MANBAL: variants seen among roughly 807,000 people sequenced by gnomAD.
The protein encoded by MANBAL is protein MANBAL.
In MANBAL, 1 loss-of-function variant was observed where a neutral mutation model predicts 6.4. The observed-to-expected ratio is 0.16, with a 90% CI of 0.06 to 0.74. MANBAL has a LOEUF of 0.74. Among genes scored for constraint, MANBAL ranks in the 30% least tolerant of loss-of-function variants. The pLI is 0.78. For synonymous variants in MANBAL, 47 were observed against 45.8 expected, an observed-to-expected ratio of 1.03 and a Z score of -0.10; for missense variants, 100 against 107.8, an observed-to-expected ratio of 0.93 and a Z score of 0.32.
chr20:37,298,264 C>T (rs1022039465), intron 1 of MANBAL, among the ~76,000 whole-genome samples: 1 of 152,024 alleles, frequency 6.6e-6, no homozygotes, highest in Non-Finnish European at 1.5e-5. Context: ...ACAAATTTAC[C>T]ATTTTAACCA....
chr20:37,295,543 A>G (rs528999799), intron 1 of MANBAL, among the ~76,000 whole-genome samples: 5 of 152,298 alleles, frequency 3.3e-5, no homozygotes, highest in Non-Finnish European at 5.9e-5. Flanking sequence ...TTCCTGGCTC[A>G]CTAATGGGCC....
intron 2 of MANBAL, among the ~76,000 whole-genome samples, chr20:37,303,770 AG>A: frequency 6.6e-6 from 1 of 152,372 alleles, no homozygotes; most frequent in Middle Eastern, 3.4e-3. Flanking sequence ...GTTATCTAGC[AG>A]GGAAGTGAGT....
intron 2 of MANBAL, chr20:37,302,235 T>G: frequency 6.4e-7 from 1 of 1,550,556 alleles, no homozygotes; most frequent in Non-Finnish European, 8.7e-7. Context: ...TTCTCTGTGG[T>G]GTCATTTAAC....
chr20:37,290,220 A>T (rs2068834740), intron 1 of MANBAL, among the ~76,000 whole-genome samples: 1 of 152,220 alleles, frequency 6.6e-6, no homozygotes, highest in Admixed American at 6.5e-5. Flanking sequence ...AATATGAGAA[A>T]CATTTTTAAA....
At chr20:37,297,841 C>T (rs574674579) in intron 1 of MANBAL, among the ~76,000 whole-genome samples, 7 of 152,110 alleles carry the variant, frequency 4.6e-5, no homozygotes, top group Non-Finnish European at 1.0e-4. Flanking sequence ...GACGGGGTTT[C>T]TCCATGTTGG....
chr20:37,299,115 C>A (rs1006381410), intron 1 of MANBAL, among the ~76,000 whole-genome samples: 4 of 152,038 alleles, frequency 2.6e-5, no homozygotes, highest in Non-Finnish European at 5.9e-5. Flanking sequence ...GGGTCTCGCT[C>A]TGTCACCCAG....
In MANBAL at chr20:37,316,355, C is replaced by A; in HGVS notation, c.198C>A (p.Pro66=). 1 of 1,613,890 alleles carries A rather than the reference C, an allele frequency of 6.2e-7. No individual in the cohort carries two copies. Among genetic ancestry groups the A allele is most frequent in the South Asian group, 1.1e-5 (1 of 91,066 alleles). Residue 66 remains proline, a synonymous_variant, in exon 3 of 3, where the codon CCC becomes CCA. Transcript: ENST00000373606. ...GAAGTGCTGAGGTGACGAGGAAGCC[C>A]AAGGCTGCTGTTCCTTCTGTGAACA... is the stretch of plus-strand genomic sequence containing the variant. ...EPRSAEVTRK[P]KAAVPSVNKR...
chr20:37,306,325 T>C (rs1487344512), intron 2 of MANBAL, among the ~76,000 whole-genome samples: 1 of 152,196 alleles, frequency 6.6e-6, no homozygotes, highest in African/African-American at 2.4e-5. Context: ...AGTAAGCCGA[T>C]TTTTTGCAAC....
intron 1 of MANBAL, among the ~76,000 whole-genome samples, chr20:37,292,819 C>T (rs984863140): frequency 5.9e-5 from 9 of 152,106 alleles, no homozygotes; most frequent in Admixed American, 5.2e-4. Flanking sequence ...ATGTTTCTGC[C>T]CCAGTCCTAG....
At chr20:37,295,332 A>G (rs1247746924) in intron 1 of MANBAL, among the ~76,000 whole-genome samples, 1 of 152,244 alleles carries the variant, frequency 6.6e-6, no homozygotes. Flanking sequence ...ATTCCAGTGT[A>G]ATATTTCTCA....
intron 2 of MANBAL, among the ~76,000 whole-genome samples, chr20:37,303,210 C>G (rs749074451): frequency 1.3e-5 from 2 of 152,162 alleles, no homozygotes; most frequent in Non-Finnish European, 2.9e-5. Flanking sequence ...TGCGCCTGGC[C>G]CCAGGCTCAT....
chr20:37,299,345 C>T (rs989264766), intron 1 of MANBAL, among the ~76,000 whole-genome samples: 3 of 152,130 alleles, frequency 2.0e-5, no homozygotes, highest in Non-Finnish European at 4.4e-5. Flanking sequence ...TCCCAAAGTG[C>T]TGAGATTATA....
chr20:37,312,480 A>G lies in MANBAL; in HGVS notation c.151-3828A>G, dbSNP rs77841623. 7.4e-3 allele frequency among the ~76,000 whole-genome samples: 1,119 copies of G among 152,192 alleles called. 16 individuals are homozygous for G. The highest frequency in any genetic ancestry group is 0.024 in the African/African-American group (1,010 of 41,516). Reference sequence around the variant, plus strand: ...GTTAGTTTCAAATCTTGGGTCTGCTACTCACCAGCTAAGGCCTTAGGCAAG... The same window carrying G: ...GTTAGTTTCAAATCTTGGGTCTGCTGCTCACCAGCTAAGGCCTTAGGCAAG... On this transcript the variant is annotated intron_variant, in intron 2 of 2. Coordinates refer to ENST00000373606, the MANE Select transcript of MANBAL (RefSeq NM_001003897.2).
rs533435460 is a variant in MANBAL, at chr20:37,290,849, T to C, written c.-57+1163T>C. Among the ~76,000 whole-genome samples, 3 of 152,348 alleles carry C rather than the reference T, an allele frequency of 2.0e-5. No homozygotes were observed. The South Asian group carries it at 6.2e-4, about 32-fold the overall frequency. The stretch of plus-strand genomic sequence containing the variant: ...GTCTTGAACTCCTGGAGGCAAGATA[T>C]CCTTCCTCCTGGACCTCCCAAAGTG... On this transcript the variant is annotated intron_variant, in intron 1 of 2. Transcript: ENST00000373606.
intron 1 of MANBAL, among the ~76,000 whole-genome samples, chr20:37,298,325 ACTGT>A (rs2069047226): frequency 1.3e-5 from 2 of 152,210 alleles, no homozygotes; most frequent in Admixed American, 1.3e-4. Context: ...AACCGTCATC[ACTGT>A]CTATTTCTAG....
intron 1 of MANBAL, among the ~76,000 whole-genome samples, chr20:37,300,729 A>G (rs1206852370): frequency 6.6e-6 from 1 of 152,242 alleles, no homozygotes; most frequent in Non-Finnish European, 1.5e-5. Flanking sequence ...TCAGATACAC[A>G]GAAAAGTTGA....
Position 37,316,507 on chromosome 20 carries a change from T to C in MANBAL, c.*92T>C. 1 of 1,181,922 alleles carries C rather than the reference T, an allele frequency of 8.5e-7. No homozygotes were observed. The highest frequency in any genetic ancestry group is 1.2e-6 in the Non-Finnish European group (1 of 833,190). 73.2% of individuals were successfully genotyped at this position (1,181,922 alleles called of 1,614,324 possible). A position where few individuals can be genotyped will look rare whatever the true frequency, so the allele number is the denominator to read the frequency against. On this transcript the variant is annotated 3_prime_UTR_variant, in exon 3 of 3. Transcript: ENST00000373606. ...CATTGTGTTCCCCCGCATTCCAGGC[T>C]CAGGGTCTGAGGAGGCTGTGACGCC...
At chr20:37,315,290 G>C (rs2069483369) in intron 2 of MANBAL, among the ~76,000 whole-genome samples, 1 of 152,232 alleles carries the variant, frequency 6.6e-6, no homozygotes, top group African/African-American at 2.4e-5. Flanking sequence ...GCCTGGACGA[G>C]GCCTGTGGGC....
intron 2 of MANBAL, among the ~76,000 whole-genome samples, chr20:37,311,296 GGTGAC>G: frequency 6.6e-6 from 1 of 152,192 alleles, no homozygotes; most frequent in Non-Finnish European, 1.5e-5. Flanking sequence ...AGTATCTCAG[GGTGAC>G]AAGAGTAGGC....
Sources: allele counts gnomAD v4.1 joint callset (sites outside exome capture counted in the v4.1 genomes callset), GRCh38; gene constraint gnomAD v4.1.1; transcripts MANE v1.5; gene names NCBI Gene and HGNC (gene_info 2026-07-23, HGNC 2026-07-21).